PCDHA1: variants seen among roughly 807,000 people sequenced by gnomAD.
PCDHA1 encodes the protein protocadherin alpha-1.
A neutral mutation model predicts 61.3 loss-of-function variants in PCDHA1; 42 were observed. The observed-to-expected ratio is 0.69, with a 90% CI of 0.54 to 0.89. PCDHA1 has a LOEUF of 0.89. PCDHA1 is among the 40% of genes least tolerant of loss of function. The pLI, the probability that PCDHA1 is intolerant of heterozygous loss-of-function variation, is 0.00. For synonymous variants in PCDHA1, 610 were observed against 553.8 expected, an observed-to-expected ratio of 1.10 and a Z score of -1.43; for missense variants, 1,256 against 1,235.3, an observed-to-expected ratio of 1.02 and a Z score of -0.25.
chr5:140,843,055 C>G lies in PCDHA1; in HGVS notation c.2394+54371C>G, dbSNP rs2150351247. 2.5e-6 allele frequency: 4 copies of G among 1,594,954 alleles called. No homozygotes were observed. In the African/African-American group the frequency reaches 4.0e-5, roughly 16 times the overall value. Reference sequence around the variant, plus strand: ...TGGGTGGCACTGGTGGCGCAGCGAGCAAGCTGGTGCCGCGGTCTGTGGGCG... The same window carrying G: ...TGGGTGGCACTGGTGGCGCAGCGAGGAAGCTGGTGCCGCGGTCTGTGGGCG... On this transcript the variant is annotated intron_variant, in intron 1 of 3. Transcript: ENST00000504120.
chr5:140,886,927 G>T (rs1191029252), intron 1 of PCDHA1, among the ~76,000 whole-genome samples: 1 of 151,236 alleles, frequency 6.6e-6, no homozygotes, highest in Non-Finnish European at 1.5e-5. Flanking sequence ...TTCTCTATGT[G>T]CCAGGCATGT....
chr5:140,979,807 A>T (rs376087021), intron 2 of PCDHA1, among the ~76,000 whole-genome samples: 2 of 152,258 alleles, frequency 1.3e-5, no homozygotes, highest in African/African-American at 4.8e-5. Flanking sequence ...CACAACTATC[A>T]AAAGGATTTA....
intron 1 of PCDHA1, chr5:140,869,302 G>C (rs985203011): frequency 6.2e-7 from 1 of 1,613,642 alleles, no homozygotes; most frequent in Admixed American, 1.7e-5. Context: ...GTTCCGGGTG[G>C]CGTCCAAAAC....
chr5:140,848,251 T>A, intron 1 of PCDHA1: 1 of 465,844 alleles, frequency 2.1e-6, no homozygotes, highest in East Asian at 3.2e-5. Context: ...GCAGAATAAC[T>A]GTGAAATTTT....
At position 140,834,165 on chromosome 5, in the gene PCDHA1, C is replaced by CT. The variant is rs2150213929; in HGVS notation, c.2394+45483dup. 4.2e-4 allele frequency: 228 copies of CT among 543,158 alleles called. No individual in the cohort carries two copies. In the Middle Eastern group the frequency reaches 4.3e-3, roughly 10 times the overall value. 33.6% of individuals were successfully genotyped at this position (543,158 alleles called of 1,614,324 possible). On this transcript the variant is annotated intron_variant, in intron 1 of 3. Coordinates refer to ENST00000504120, the MANE Select transcript of PCDHA1 (RefSeq NM_018900.4). ...AGTTTGTAATGGTTTGTAATTCTTA[C>CT]TTACATGATGGCCACATGATGTCGC...
chr5:140,892,497 T>C (rs1459778884), intron 1 of PCDHA1, among the ~76,000 whole-genome samples: 1 of 152,238 alleles, frequency 6.6e-6, no homozygotes, highest in Non-Finnish European at 1.5e-5. Context: ...GAGAGATTGT[T>C]TAAGAAGTTC....
Position 140,851,603 on chromosome 5 carries a change from A to C in PCDHA1, c.2394+62919A>C, listed in dbSNP as rs1213150378. 1.6e-5 allele frequency: 15 copies of C among 916,732 alleles called. No individual in the cohort carries two copies. In the African/African-American group the frequency reaches 2.5e-4, roughly 15 times the overall value. The allele number at this position is 916,732 out of a possible 1,614,324, so 56.8% of individuals were successfully genotyped here. On this transcript the variant is annotated intron_variant, in intron 1 of 3. Coordinates refer to ENST00000504120, the MANE Select transcript of PCDHA1 (RefSeq NM_018900.4). ...ACATTTTTTGAAATTCAGTTTACAG[A>C]AATTGGAGAAAATGCTTTTTAAACA...
intron 1 of PCDHA1, chr5:140,856,374 T>A (rs568319142): frequency 1.3e-6 from 2 of 1,598,376 alleles, no homozygotes; most frequent in Middle Eastern, 3.3e-4. Context: ...GAGGTGATCG[T>A]GGACAGGCCG....
At chr5:140,870,426 C>G (rs574302735) in intron 1 of PCDHA1, 1 of 1,614,208 alleles carries the variant, frequency 6.2e-7, no homozygotes, top group African/African-American at 1.3e-5. Flanking sequence ...CCAGGGTATC[C>G]GTGGAGGTGG....
chr5:140,808,806 C>T, intron 1 of PCDHA1: 1 of 1,612,650 alleles, frequency 6.2e-7, no homozygotes, highest in African/African-American at 1.3e-5. Flanking sequence ...GCTCGCGATG[C>T]CGGCGTGCCA....
At chr5:140,930,413 G>A (rs1461655739) in intron 1 of PCDHA1, 1 of 151,722 alleles carries the variant, frequency 6.6e-6, no homozygotes, top group Non-Finnish European at 1.5e-5. Flanking sequence ...TTTGAGACAG[G>A]GGTCTCACTA....
intron 1 of PCDHA1, chr5:140,834,211 G>A (rs2150214176): frequency 0.54 from 341,638 of 630,816 alleles, 94,315 homozygotes; most frequent in African/African-American, 0.73. Flanking sequence ...AAATTCTTTC[G>A]TAATCAGCAA....
chr5:141,002,218 A>T (rs782352324), intron 3 of PCDHA1, among the ~76,000 whole-genome samples: 124 of 152,272 alleles, frequency 8.1e-4, no homozygotes, highest in Admixed American at 3.6e-3. Context: ...AATCAAAATG[A>T]TGGGTTTTCT....
At chr5:140,965,356 A>T (rs1554227617) in intron 1 of PCDHA1, among the ~76,000 whole-genome samples, 3 of 152,194 alleles carry the variant, frequency 2.0e-5, no homozygotes, top group African/African-American at 7.2e-5. Flanking sequence ...CCTCTATAGC[A>T]GTACAAGAGG....
intron 3 of PCDHA1, among the ~76,000 whole-genome samples, chr5:140,983,660 A>G (rs1460631508): frequency 6.6e-6 from 1 of 152,244 alleles, no homozygotes; most frequent in African/African-American, 2.4e-5. Context: ...TAAGTGGCAG[A>G]GGGTAGGATT....
intron 1 of PCDHA1, among the ~76,000 whole-genome samples, chr5:140,959,712 T>A (rs166567): frequency 0.25 from 37,822 of 152,086 alleles, 5,932 homozygotes; most frequent in African/African-American, 0.45. Flanking sequence ...AAAGGGAAAA[T>A]TTTTAGATAA....
chr5:140,858,489 C>A, intron 1 of PCDHA1: 1 of 1,498,912 alleles, frequency 6.7e-7, no homozygotes, highest in Non-Finnish European at 9.1e-7. Flanking sequence ...AATATTTTCT[C>A]TTACCGCATT....
intron 1 of PCDHA1, chr5:140,809,021 C>T: frequency 6.2e-7 from 1 of 1,613,690 alleles, no homozygotes; most frequent in African/African-American, 1.3e-5. Context: ...GTACGAGCTG[C>T]AGCCGGGGAC....
Position 140,849,589 on chromosome 5 carries a change from T to C in PCDHA1, c.2394+60905T>C, listed in dbSNP as rs2150441752. On this transcript the variant is annotated intron_variant, in intron 1 of 3. Transcript: ENST00000504120. The stretch of plus-strand genomic sequence containing the variant: ...GTTCCTGTAAAAGAGGACGCACAAC[T>C]GGGGACAGTTATTGCCCTGATTAGT... 3.8e-6 allele frequency: 6 copies of C among 1,598,582 alleles called. No individual in the cohort carries two copies. The Admixed American group carries it at 6.7e-5, about 18-fold the overall frequency.
Sources: allele counts gnomAD v4.1 joint callset (sites outside exome capture counted in the v4.1 genomes callset), GRCh38; gene constraint gnomAD v4.1.1; transcripts MANE v1.5; gene names NCBI Gene and HGNC (gene_info 2026-07-23, HGNC 2026-07-21).